Variants in LYRM4 observed in about 807,000 individuals in gnomAD.
LYRM4 encodes the protein LYR motif containing 4, also known as LYR motif-containing protein 4.
LYRM4 carries 9 observed loss-of-function variants against 11.7 expected under a neutral mutation model. That is an observed-to-expected ratio of 0.77 (90% CI 0.46 to 1.34). The LOEUF (loss-of-function observed/expected upper bound fraction) is 1.34. Ranked by LOEUF, LYRM4 falls within the 40% of genes most tolerant of loss-of-function variation. The probability of loss-of-function intolerance (pLI) is 0.00; values close to 1 mark genes in which losing one functional copy is unlikely to be tolerated. For synonymous variants in LYRM4, 42 were observed against 40.4 expected (o/e 1.04, Z -0.15); for missense variants, 133 against 112.5 (o/e 1.18, Z -0.82).
chr6:5,254,281 A>C (rs1463580399), intron 1 of LYRM4, among the ~76,000 whole-genome samples: 1 of 152,094 alleles, frequency 6.6e-6, no homozygotes, highest in Non-Finnish European at 1.5e-5. Flanking sequence ...ACCAACTTCC[A>C]CTTCTTGAAG....
intron 1 of LYRM4, among the ~76,000 whole-genome samples, chr6:5,245,159 TATATAA>T (rs1764135734): frequency 4.0e-5 from 3 of 75,282 alleles, no homozygotes; most frequent in Non-Finnish European, 7.6e-5. Context: ...TATATATATA[TATATAA>T]AATAGGTGAA....
chr6:5,044,258 G>A, the LYRM4 span, among the ~76,000 whole-genome samples: 1 of 151,752 alleles, frequency 6.6e-6, no homozygotes, highest in African/African-American at 2.4e-5. Context: ...GGCCTCCCGA[G>A]TAGCTGGGAT....
chr6:5,240,584 C>CAAAG (rs1476702955), intron 1 of LYRM4: 1 of 152,112 alleles, frequency 6.6e-6, no homozygotes, highest in East Asian at 1.9e-4. Flanking sequence ...AGTGGAGTTC[C>CAAAG]AAAGACAAGA....
the LYRM4 span, chr6:5,089,411 G>C: frequency 1.3e-5 from 2 of 151,954 alleles, no homozygotes; most frequent in Non-Finnish European, 2.9e-5. Flanking sequence ...TTGTTTGTGG[G>C]GCAATAAAGC....
chr6:5,126,983 A>G (rs919142889), intron 2 of LYRM4, among the ~76,000 whole-genome samples: 1 of 152,174 alleles, frequency 6.6e-6, no homozygotes, highest in African/African-American at 2.4e-5. Context: ...AGACAGTCTC[A>G]CTGTCACCCA....
At chr6:5,232,225 CA>C (rs1561889013) in intron 1 of LYRM4, among the ~76,000 whole-genome samples, 1 of 152,238 alleles carries the variant, frequency 6.6e-6, no homozygotes. Flanking sequence ...GGGATTATCA[CA>C]TCTCTCCCTT....
At chr6:5,084,185 T>C in the LYRM4 span, among the ~76,000 whole-genome samples, 3 of 152,254 alleles carry the variant, frequency 2.0e-5, no homozygotes, top group Admixed American at 1.3e-4. Flanking sequence ...CCGTGCATGC[T>C]GAAGTAGAAT....
At position 5,135,542 on chromosome 6, in the gene LYRM4, G is replaced by A. The variant is rs9504346; in HGVS notation, c.208-26051C>T. Among the ~76,000 whole-genome samples the A allele has an allele frequency of 4.7e-4, 32 of 68,772 alleles. 1 individual carries two copies. Among genetic ancestry groups the A allele is most frequent in the African/African-American group, 2.6e-4 (3 of 11,456 alleles). The allele number at this position is 68,772 out of a possible 152,430, so 45.1% of individuals were successfully genotyped here. A position where few individuals can be genotyped will look rare whatever the true frequency, so the allele number is the denominator to read the frequency against. On this transcript the variant is annotated intron_variant, in intron 2 of 2. Coordinates refer to ENST00000330636, the MANE Select transcript of LYRM4 (RefSeq NM_020408.6). ...GTGGAGGGTGCGGATCGCTCCTGGGGCTGTGGAGGGTGCGGATCGCTCCAG... is the reference window on the plus strand; with the variant it reads ...GTGGAGGGTGCGGATCGCTCCTGGGACTGTGGAGGGTGCGGATCGCTCCAG...
At chr6:5,215,903 G>A (rs980277436) in intron 2 of LYRM4, among the ~76,000 whole-genome samples, 24 of 152,166 alleles carry the variant, frequency 1.6e-4, no homozygotes, top group Non-Finnish European at 3.5e-4. Context: ...TGAAAAGGGT[G>A]TTTTTTAGAG....
At chr6:5,098,392 C>G in the LYRM4 span, among the ~76,000 whole-genome samples, 1 of 152,216 alleles carries the variant, frequency 6.6e-6, no homozygotes, top group South Asian at 2.1e-4. Context: ...AGAGCTGCTT[C>G]TCATCCTAGG....
At position 5,250,690 on chromosome 6, in the gene LYRM4, T is replaced by C. The variant is rs1008225961; in HGVS notation, c.86+9958A>G. Among the ~76,000 whole-genome samples, 7 of 151,468 alleles carry C rather than the reference T, an allele frequency of 4.6e-5. No homozygotes were observed. In the East Asian group the frequency reaches 9.7e-4, roughly 21 times the overall value. On this transcript the variant is annotated intron_variant, in intron 1 of 2. Transcript: ENST00000330636. ...CTTTGTAATACAGCGCCACAGGCTCTATATGAAATCCAGTAATATAAATTC... is the reference window on the plus strand; with the variant it reads ...CTTTGTAATACAGCGCCACAGGCTCCATATGAAATCCAGTAATATAAATTC...
chr6:5,097,633 G>A, the LYRM4 span, among the ~76,000 whole-genome samples: 1 of 152,184 alleles, frequency 6.6e-6, no homozygotes, highest in African/African-American at 2.4e-5. Flanking sequence ...TTAGAGGCAA[G>A]AGCCACTGTA....
the LYRM4 span, among the ~76,000 whole-genome samples, chr6:5,051,533 C>T: frequency 6.6e-6 from 1 of 152,076 alleles, no homozygotes; most frequent in Non-Finnish European, 1.5e-5. Flanking sequence ...AGTGCTGAGG[C>T]AGGAAAAAAC....
At chr6:5,076,160 G>T in the LYRM4 span, among the ~76,000 whole-genome samples, 1 of 152,004 alleles carries the variant, frequency 6.6e-6, no homozygotes, top group Non-Finnish European at 1.5e-5. Context: ...TGCCCAGGCT[G>T]GTCTCAAACT....
intron 1 of LYRM4, among the ~76,000 whole-genome samples, chr6:5,224,525 T>C (rs1373835556): frequency 6.6e-6 from 1 of 152,232 alleles, no homozygotes; most frequent in East Asian, 1.9e-4. Flanking sequence ...TAGGGATCTA[T>C]CCTACAGAAA....
chr6:5,223,198 C>T (rs1011585123), intron 1 of LYRM4, among the ~76,000 whole-genome samples: 1 of 152,194 alleles, frequency 6.6e-6, no homozygotes, highest in African/African-American at 2.4e-5. Context: ...CCTCAGATAC[C>T]TATTTTCAAA....
chr6:5,227,811 G>C (rs938948911), intron 1 of LYRM4, among the ~76,000 whole-genome samples: 5 of 152,158 alleles, frequency 3.3e-5, no homozygotes, highest in African/African-American at 1.2e-4. Flanking sequence ...TTATAAAAAA[G>C]AATGAGATCA....
At chr6:5,192,957 C>G (rs1316218568) in intron 2 of LYRM4, among the ~76,000 whole-genome samples, 1 of 152,120 alleles carries the variant, frequency 6.6e-6, no homozygotes. Flanking sequence ...ACCCAGGAGG[C>G]AGATTGTAGT....
the LYRM4 span, among the ~76,000 whole-genome samples, chr6:5,058,615 C>G: frequency 6.6e-5 from 10 of 152,330 alleles, no homozygotes; most frequent in East Asian, 1.9e-3. Flanking sequence ...CCATGGGCAC[C>G]CAGTGTCCAA....
Sources: gnomAD v4.1 joint callset for allele counts (sites outside exome capture counted in the v4.1 genomes callset) on GRCh38, gnomAD v4.1.1 for gene constraint, MANE v1.5 for transcripts, NCBI Gene and HGNC (gene_info 2026-07-23, HGNC 2026-07-21) for gene names.